RANBP17: variants seen among roughly 807,000 people sequenced by gnomAD.
RANBP17 encodes RAN binding protein 17, also known as ran-binding protein 17.
A neutral mutation model predicts 141.2 loss-of-function variants in RANBP17; 158 were observed. That is an observed-to-expected ratio of 1.12 (90% confidence interval 0.98 to 1.28). The LOEUF is 1.28. RANBP17 is among the 50% of genes most tolerant of loss of function. The probability of loss-of-function intolerance (pLI) is 0.00; values close to 1 mark genes in which losing one functional copy is unlikely to be tolerated. For missense variants in RANBP17, 1,438 were observed against 1,290.7 expected, an observed-to-expected ratio of 1.11 and a Z score of -1.75; for synonymous variants, 430 against 450.0, an observed-to-expected ratio of 0.96 and a Z score of 0.56.
chr5:171,195,236 T>C (rs1761903966), intron 18 of RANBP17, among the ~76,000 whole-genome samples: 1 of 152,228 alleles, frequency 6.6e-6, no homozygotes. Flanking sequence ...ATTCATAAAA[T>C]AATCATATAT....
chr5:171,011,885 C>G (rs1392411601), intron 14 of RANBP17, among the ~76,000 whole-genome samples: 1 of 151,820 alleles, frequency 6.6e-6, no homozygotes, highest in Non-Finnish European at 1.5e-5. Flanking sequence ...TTTAATGTCT[C>G]TTTAATCTAA....
intron 14 of RANBP17, among the ~76,000 whole-genome samples, chr5:171,025,500 C>A (rs1781171787): frequency 6.6e-6 from 1 of 151,514 alleles, no homozygotes; most frequent in Non-Finnish European, 1.5e-5. Flanking sequence ...TTCCTGTTTT[C>A]TCTAGGCAGC....
At chr5:171,275,775 G>A (rs1767447264) in intron 25 of RANBP17, among the ~76,000 whole-genome samples, 1 of 152,044 alleles carries the variant, frequency 6.6e-6, no homozygotes, top group Non-Finnish European at 1.5e-5. Flanking sequence ...GGAGCAGAGG[G>A]TTTTTTTGTT....
At chr5:171,286,484 A>G (rs1768179711) in intron 25 of RANBP17, among the ~76,000 whole-genome samples, 1 of 152,128 alleles carries the variant, frequency 6.6e-6, no homozygotes, top group Admixed American at 6.5e-5. Context: ...GCAGTTAGTA[A>G]TGTTATTTTT....
intron 14 of RANBP17, among the ~76,000 whole-genome samples, chr5:171,057,996 T>C (rs1783523457): frequency 1.3e-5 from 2 of 152,078 alleles, no homozygotes; most frequent in South Asian, 2.1e-4. Context: ...GAGATACATA[T>C]TTTAGATAAA....
chr5:170,995,562 G>T (rs773067512), intron 14 of RANBP17, among the ~76,000 whole-genome samples: 5 of 152,030 alleles, frequency 3.3e-5, no homozygotes, highest in African/African-American at 4.8e-5. Context: ...GTATACCAAG[G>T]TATTAATCCC....
At chr5:171,051,666 C>A (rs965365977) in intron 14 of RANBP17, among the ~76,000 whole-genome samples, 1 of 152,188 alleles carries the variant, frequency 6.6e-6, no homozygotes, top group East Asian at 1.9e-4. Flanking sequence ...ATGATTTCAC[C>A]TTTTGGCTCT....
Position 171,193,800 on chromosome 5 carries a change from G to T in RANBP17, c.2039-5870G>T, listed in dbSNP as rs182404581. ...TTTAAGGACCCTTGTGATTACATTG[G>T]ACCCACCTGGATAATCCAGAATACT... On this transcript the variant is annotated intron_variant, in intron 18 of 27. Transcript: ENST00000523189. 1.4e-3 allele frequency among the ~76,000 whole-genome samples: 208 copies of T among 152,226 alleles called. 6 individuals are homozygous for T. Among genetic ancestry groups the T allele is most frequent in the Admixed American group, 0.014 (207 of 15,278 alleles).
At chr5:171,056,356 A>T (rs529366303) in intron 14 of RANBP17, among the ~76,000 whole-genome samples, 1 of 152,290 alleles carries the variant, frequency 6.6e-6, no homozygotes, top group South Asian at 2.1e-4. Flanking sequence ...TCAAAACAAG[A>T]TAACAATCGT....
chr5:170,907,065 C>G (rs937989541), intron 5 of RANBP17, among the ~76,000 whole-genome samples: 1 of 151,818 alleles, frequency 6.6e-6, no homozygotes, highest in South Asian at 2.1e-4. Flanking sequence ...ATTAAATATT[C>G]TAGTTATCAG....
At chr5:171,010,986 A>G (rs1423492666) in intron 14 of RANBP17, among the ~76,000 whole-genome samples, 1 of 152,112 alleles carries the variant, frequency 6.6e-6, no homozygotes, top group Non-Finnish European at 1.5e-5. Flanking sequence ...ACATTGGAGG[A>G]AAAAATAATA....
At chr5:171,264,217 G>C (rs921452127) in intron 24 of RANBP17, among the ~76,000 whole-genome samples, 2 of 152,186 alleles carry the variant, frequency 1.3e-5, no homozygotes, top group African/African-American at 2.4e-5. Context: ...GCATGAGAAT[G>C]ATACAGTGGA....
chr5:170,911,903 G>C (rs575264362), intron 7 of RANBP17, among the ~76,000 whole-genome samples: 2 of 151,950 alleles, frequency 1.3e-5, no homozygotes, highest in East Asian at 3.9e-4. Flanking sequence ...GGCTGACGGG[G>C]TTTGATAAAA....
chr5:171,139,208 C>T (rs1008680827), intron 14 of RANBP17, among the ~76,000 whole-genome samples: 39 of 152,246 alleles, frequency 2.6e-4, no homozygotes, highest in African/African-American at 8.4e-4. Flanking sequence ...GCCCCACCCG[C>T]TTTTCGGGTA....
At chr5:171,064,709 T>C (rs1390761184) in intron 14 of RANBP17, among the ~76,000 whole-genome samples, 2 of 151,974 alleles carry the variant, frequency 1.3e-5, no homozygotes, top group Non-Finnish European at 2.9e-5. Flanking sequence ...TTCATAGACA[T>C]GGGGTTTCTC....
intron 25 of RANBP17, among the ~76,000 whole-genome samples, chr5:171,293,454 CCT>C (rs1021991013): frequency 3.3e-5 from 5 of 152,228 alleles, no homozygotes; most frequent in African/African-American, 1.2e-4. Context: ...CATTCCCCTC[CCT>C]CTCTCCAAGA....
intron 14 of RANBP17, among the ~76,000 whole-genome samples, chr5:171,044,362 C>T (rs994461585): frequency 1.6e-4 from 24 of 151,772 alleles, no homozygotes; most frequent in African/African-American, 5.3e-4. Context: ...TATATTTCAG[C>T]ATATTAAAGA....
At chr5:170,902,033 T>A (rs1770687565) in intron 5 of RANBP17, among the ~76,000 whole-genome samples, 1 of 152,194 alleles carries the variant, frequency 6.6e-6, no homozygotes, top group Non-Finnish European at 1.5e-5. Flanking sequence ...ATCTTTGTGA[T>A]GTTCTGTGTA....
chr5:170,970,175 A>G (rs575141224), intron 14 of RANBP17, among the ~76,000 whole-genome samples: 8 of 152,008 alleles, frequency 5.3e-5, no homozygotes, highest in African/African-American at 1.7e-4. Context: ...AGTACTATAT[A>G]TACAATTTTT....
Sources: allele counts gnomAD v4.1 joint callset (sites outside exome capture counted in the v4.1 genomes callset), GRCh38; gene constraint gnomAD v4.1.1; transcripts MANE v1.5; gene names NCBI Gene and HGNC (gene_info 2026-07-23, HGNC 2026-07-21).